CDH13: variants seen among roughly 807,000 people sequenced by gnomAD.
CDH13 encodes cadherin-13.
A neutral mutation model predicts 63.8 loss-of-function variants in CDH13; 24 were observed. The observed-to-expected ratio is 0.38, with a 90% CI of 0.27 to 0.53. The LOEUF is 0.53. Among genes scored for constraint, CDH13 ranks in the 20% least tolerant of loss-of-function variants. The pLI is 0.85. For missense variants in CDH13, 1,049 were observed against 903.1 expected, an observed-to-expected ratio of 1.16 and a Z score of -2.07; for synonymous variants, 503 against 355.3, an observed-to-expected ratio of 1.42 and a Z score of -4.67.
intron 4 of CDH13, among the ~76,000 whole-genome samples, chr16:83,178,370 C>G (rs2038213866): frequency 6.6e-6 from 1 of 152,182 alleles, no homozygotes; most frequent in Non-Finnish European, 1.5e-5. Context: ...CAGTTGAGAA[C>G]CACTGATTTA....
chr16:83,300,896 C>T (rs146829989), intron 5 of CDH13, among the ~76,000 whole-genome samples: 4 of 152,170 alleles, frequency 2.6e-5, no homozygotes, highest in Admixed American at 6.5e-5. Flanking sequence ...TTAAAGAAGA[C>T]GTGGCTGAGA....
At chr16:82,684,668 T>G (rs1433372262) in intron 1 of CDH13, among the ~76,000 whole-genome samples, 1 of 152,106 alleles carries the variant, frequency 6.6e-6, no homozygotes, top group Admixed American at 6.6e-5. Context: ...TTCCATAGCA[T>G]GGAACTGTTT....
intron 4 of CDH13, among the ~76,000 whole-genome samples, chr16:83,156,151 C>T (rs2037198766): frequency 6.6e-6 from 1 of 152,178 alleles, no homozygotes; most frequent in Non-Finnish European, 1.5e-5. Context: ...TTGGTTTGTG[C>T]TTTGAACATA....
At position 82,654,112 on chromosome 16, in the gene CDH13, A is replaced by G. The variant is rs1022719082; in HGVS notation, c.45+26975A>G. 3.9e-5 allele frequency among the ~76,000 whole-genome samples: 6 copies of G among 152,092 alleles called. No individual in the cohort carries two copies. In the East Asian group the frequency reaches 1.2e-3, roughly 29 times the overall value. ...CTCATTAGTCATTGCAAAAACATCT[A>G]TTTCCGGCCTACACTGCACCAGCCA... On this transcript the variant is annotated intron_variant, in intron 1 of 13. Transcript: ENST00000567109.
chr16:83,002,196 C>A (rs1403233541), intron 2 of CDH13, among the ~76,000 whole-genome samples: 1 of 152,188 alleles, frequency 6.6e-6, no homozygotes, highest in Non-Finnish European at 1.5e-5. Flanking sequence ...AGTTAAGAAT[C>A]TGATAATGAG....
intron 1 of CDH13, among the ~76,000 whole-genome samples, chr16:82,691,015 G>C (rs977691236): frequency 6.6e-6 from 1 of 152,194 alleles, no homozygotes; most frequent in Non-Finnish European, 1.5e-5. Context: ...TGGGAGAATA[G>C]AGCCAGTGAG....
At chr16:83,347,679 C>T (rs1280879135) in intron 6 of CDH13, among the ~76,000 whole-genome samples, 1 of 152,160 alleles carries the variant, frequency 6.6e-6, no homozygotes, top group Non-Finnish European at 1.5e-5. Flanking sequence ...AGGAACTTGA[C>T]AAAGTTACCT....
intron 3 of CDH13, among the ~76,000 whole-genome samples, chr16:83,119,992 T>A (rs1031681181): frequency 1.3e-5 from 2 of 152,158 alleles, no homozygotes; most frequent in African/African-American, 2.4e-5. Flanking sequence ...TTTCTCCTAA[T>A]GTCAGACAAA....
chr16:83,010,135 C>CAAAAAAAAAAAAAAAAAA lies in CDH13; in HGVS notation c.158-21865_158-21848dup, dbSNP rs67985333. ...GGGCAACAAGAGCAAAACTCTGTCT[C>CAAAAAAAAAAAAAAAAAA]AAAAAAAAAAAAAAAAAAAAAAAAA... On this transcript the variant is annotated intron_variant, in intron 2 of 13. Transcript: ENST00000567109. 8.2e-4 allele frequency among the ~76,000 whole-genome samples: 41 copies of CAAAAAAAAAAAAAAAAAA among 50,100 alleles called. 2 individuals are homozygous for CAAAAAAAAAAAAAAAAAA. The highest frequency in any genetic ancestry group is 1.1e-3 in the Non-Finnish European group (33 of 29,778). The allele number at this position is 50,100 out of a possible 152,430, so 32.9% of individuals were successfully genotyped here.
chr16:83,685,107 C>G (rs1348756286), intron 10 of CDH13, among the ~76,000 whole-genome samples: 1 of 152,154 alleles, frequency 6.6e-6, no homozygotes, highest in African/African-American at 2.4e-5. Context: ...TACTCCCTCT[C>G]TTTTAAGGAG....
At chr16:83,356,235 T>C (rs911981087) in intron 6 of CDH13, among the ~76,000 whole-genome samples, 1 of 149,138 alleles carries the variant, frequency 6.7e-6, no homozygotes, top group African/African-American at 2.5e-5. Context: ...TGTGTGTGTG[T>C]GTGTGTGTGT....
chr16:83,366,179 A>G (rs920266860), intron 6 of CDH13, among the ~76,000 whole-genome samples: 7 of 152,358 alleles, frequency 4.6e-5, no homozygotes, highest in Non-Finnish European at 1.0e-4. Flanking sequence ...ACACATTCAT[A>G]AACTGTTGAA....
intron 1 of CDH13, among the ~76,000 whole-genome samples, chr16:82,806,653 ATT>A (rs1163592097): frequency 6.6e-6 from 1 of 152,010 alleles, no homozygotes; most frequent in Non-Finnish European, 1.5e-5. Flanking sequence ...TAATGGTGGG[ATT>A]TTTGTTGTTG....
At position 82,722,445 on chromosome 16, in the gene CDH13, C is replaced by T. The variant is rs541799566; in HGVS notation, c.45+95308C>T. Among the ~76,000 whole-genome samples, 403 of 152,300 alleles carry T rather than the reference C, an allele frequency of 2.6e-3. 3 individuals are homozygous for T. The highest frequency in any genetic ancestry group is 5.1e-3 in the Non-Finnish European group (344 of 68,024). ...GAGAGGGCTGCTATTACTGAACAGT[C>T]CTTGCAGAGGGCTGGCAATGATTTG... On this transcript the variant is annotated intron_variant, in intron 1 of 13. Transcript: ENST00000567109.
intron 6 of CDH13, among the ~76,000 whole-genome samples, chr16:83,348,429 C>T (rs138533010): frequency 6.6e-6 from 1 of 152,332 alleles, no homozygotes; most frequent in Non-Finnish European, 1.5e-5. Flanking sequence ...CCACTCATGT[C>T]ACTTTTTTCT....
intron 5 of CDH13, among the ~76,000 whole-genome samples, chr16:83,319,107 AG>A (rs2151892836): frequency 6.6e-6 from 1 of 152,142 alleles, no homozygotes; most frequent in African/African-American, 2.4e-5. Context: ...GATGAGTAAA[AG>A]TTCTTTGGGC....
chr16:82,916,580 AAAAT>A (rs1810572298), intron 2 of CDH13, among the ~76,000 whole-genome samples: 3 of 151,930 alleles, frequency 2.0e-5, no homozygotes, highest in African/African-American at 7.3e-5. Flanking sequence ...TCTCAAAAAA[AAAAT>A]AAATAAATAA....
At chr16:83,114,653 A>G (rs2151626860) in intron 3 of CDH13, among the ~76,000 whole-genome samples, 1 of 152,314 alleles carries the variant, frequency 6.6e-6, no homozygotes, top group African/African-American at 2.4e-5. Context: ...GAATATTGGG[A>G]AAATAGATAC....
At chr16:82,990,289 G>A (rs997443406) in intron 2 of CDH13, 1 of 152,156 alleles carries the variant, frequency 6.6e-6, no homozygotes, top group Non-Finnish European at 1.5e-5. Context: ...TGCATTTCAA[G>A]GAGGATGGCA....
Sources: gnomAD v4.1 joint callset for allele counts (sites outside exome capture counted in the v4.1 genomes callset) on GRCh38, gnomAD v4.1.1 for gene constraint, MANE v1.5 for transcripts, NCBI Gene and HGNC (gene_info 2026-07-23, HGNC 2026-07-21) for gene names.